WWC2: variants seen among roughly 807,000 people sequenced by gnomAD.
WWC2 encodes the protein protein WWC2.
Under a neutral mutation model 138.5 loss-of-function variants are expected in WWC2, and 101 were observed. The observed-to-expected ratio is 0.73, with a 90% confidence interval of 0.62 to 0.86. The LOEUF (loss-of-function observed/expected upper bound fraction) is 0.86, where lower values mean the gene tolerates loss of function less well. WWC2 is among the 40% of genes least tolerant of loss of function. The pLI is 0.00. For synonymous variants in WWC2, 558 were observed against 538.4 expected, an observed-to-expected ratio of 1.04 and a Z score of -0.50; for missense variants, 1,420 against 1,419.4, an observed-to-expected ratio of 1.00 and a Z score of -0.01.
intron 18 of WWC2, 30 bp from the exon 19 acceptor site, chr4:183,284,196 C>G (rs1738168409): frequency 6.2e-7 from 1 of 1,606,848 alleles, no homozygotes; most frequent in Non-Finnish European, 8.5e-7. Flanking sequence ...CATCTTTCAG[C>G]TCCTGACAAA....
intron 21 of WWC2, among the ~76,000 whole-genome samples, chr4:183,298,544 C>T (rs903194533): frequency 1.3e-5 from 2 of 152,134 alleles, no homozygotes; most frequent in East Asian, 1.9e-4. Context: ...TTCTCATTAC[C>T]CTTCCCCATT....
Position 183,319,295 on chromosome 4 carries a change from C to T in WWC2, c.*3566C>T, listed in dbSNP as rs1168551684. The stretch of plus-strand genomic sequence containing the variant: ...GAGATTAATGTTTTATTTACCACTT[C>T]TGTGCAATCGCTATTTTAAAATTGA... On this transcript the variant is annotated 3_prime_UTR_variant, in exon 23 of 23. Coordinates refer to ENST00000403733, the MANE Select transcript of WWC2 (RefSeq NM_024949.6). The T allele has an allele frequency of 2.5e-6, 1 of 400,822 alleles. No homozygotes were observed. The highest frequency in any genetic ancestry group is 4.3e-5 in the East Asian group (1 of 23,236). The allele number at this position is 400,822 out of a possible 1,614,324, so 24.8% of individuals were successfully genotyped here. A position where few individuals can be genotyped will look rare whatever the true frequency, so the allele number is the denominator to read the frequency against.
chr4:183,141,219 C>T (rs1418119497), intron 1 of WWC2, among the ~76,000 whole-genome samples: 1 of 152,140 alleles, frequency 6.6e-6, no homozygotes, highest in Non-Finnish European at 1.5e-5. Flanking sequence ...GTTAAGGTGT[C>T]AGCAGATTAG....
chr4:183,184,068 A>G (rs979481662), intron 1 of WWC2, among the ~76,000 whole-genome samples: 6 of 152,214 alleles, frequency 3.9e-5, no homozygotes, highest in Non-Finnish European at 7.3e-5. Flanking sequence ...AATGTTGTGC[A>G]ACCAACCCCT....
intron 4 of WWC2, among the ~76,000 whole-genome samples, chr4:183,239,093 T>C (rs1736523831): frequency 6.6e-6 from 1 of 152,122 alleles, no homozygotes. Flanking sequence ...AGCGGGTGGA[T>C]CGCTTGAGCC....
intron 4 of WWC2, among the ~76,000 whole-genome samples, chr4:183,228,498 A>T (rs1736139288): frequency 6.6e-6 from 1 of 152,134 alleles, no homozygotes; most frequent in South Asian, 2.1e-4. Flanking sequence ...TTTCAAGCAC[A>T]TTTAGCACAT....
chr4:183,280,880 G>A lies in WWC2; in HGVS notation c.2667G>A (p.Arg889=). Residue 889 remains arginine, a synonymous_variant, in exon 17 of 23, where the codon AGG becomes AGA. Transcript: ENST00000403733. ...EEEESGQEEP[R]GPDGDWLTML... ...AAGAATCAGGACAAGAAGAGCCAAG[G>A]GGCCCAGATGGAGACTGGTTAAACA... The A allele has an allele frequency of 3.8e-6, 6 of 1,570,714 alleles. No homozygotes were observed. The highest frequency in any genetic ancestry group is 5.2e-6 in the Non-Finnish European group (6 of 1,157,320).
At position 183,269,119 on chromosome 4, in the gene WWC2, G is replaced by T; in HGVS notation, c.2356G>T (p.Val786Leu). Residue 786 changes from valine (V) to leucine (L), a missense_variant, in exon 15 of 23, where the codon GTA becomes TTA. Val to Leu is a conservative substitution (Grantham distance 32). Coordinates refer to ENST00000403733, the MANE Select transcript of WWC2 (RefSeq NM_024949.6). ...QTALQQKTLR[V>L]DLCSVSKHRR... ...AGCCTTACAACAGAAGACACTGAGG[G>T]TAGACCTTTGCTCTGTCAGTAAACA... The T allele has an allele frequency of 6.2e-7, 1 of 1,613,776 alleles. No homozygotes were observed. Among genetic ancestry groups the T allele is most frequent in the Non-Finnish European group, 8.5e-7 (1 of 1,179,856 alleles).
At chr4:183,157,906 G>A (rs1353820564) in intron 1 of WWC2, among the ~76,000 whole-genome samples, 1 of 149,474 alleles carries the variant, frequency 6.7e-6, no homozygotes, top group African/African-American at 2.5e-5. Flanking sequence ...TAACTACTTT[G>A]TTTTCCCCCA....
intron 1 of WWC2, among the ~76,000 whole-genome samples, chr4:183,167,420 G>A (rs779527275): frequency 9.2e-5 from 14 of 152,196 alleles, no homozygotes; most frequent in Non-Finnish European, 1.9e-4. Context: ...TTAAGGGAGA[G>A]AGAGGTTATT....
At chr4:183,122,499 T>A (rs1015150270) in intron 1 of WWC2, among the ~76,000 whole-genome samples, 2 of 152,118 alleles carry the variant, frequency 1.3e-5, no homozygotes, top group Non-Finnish European at 2.9e-5. Context: ...AAAATTAGTA[T>A]CCTGAATGAA....
rs890088828 is a variant in WWC2, at chr4:183,259,591, T to C, written c.1197-48T>C. The C allele has an allele frequency of 6.0e-6, 8 of 1,335,200 alleles. No homozygotes were observed. In the African/African-American group the frequency reaches 1.2e-4, roughly 20 times the overall value. The allele number at this position is 1,335,200 out of a possible 1,614,324, so 82.7% of individuals were successfully genotyped here. A position where few individuals can be genotyped will look rare whatever the true frequency, so the allele number is the denominator to read the frequency against. ...ATGAGAATCTTTCTTTCCTTTTAGT[T>C]TTCATATTTTGTTATAATCATTTGA... On this transcript the variant is annotated intron_variant, in intron 9 of 22. Transcript: ENST00000403733.
intron 16 of WWC2, among the ~76,000 whole-genome samples, chr4:183,275,857 T>A (rs553351323): frequency 6.6e-6 from 1 of 152,262 alleles, no homozygotes; most frequent in South Asian, 2.1e-4. Flanking sequence ...TCTGTAAACG[T>A]TTCATAGAAT....
At chr4:183,100,202 C>A (rs1743129321) in intron 1 of WWC2, among the ~76,000 whole-genome samples, 1 of 152,198 alleles carries the variant, frequency 6.6e-6, no homozygotes, top group Non-Finnish European at 1.5e-5. Context: ...TAAAAACGCG[C>A]GTTTGGGGGT....
chr4:183,184,242 G>T (rs997546567), intron 1 of WWC2, among the ~76,000 whole-genome samples: 44 of 152,104 alleles, frequency 2.9e-4, no homozygotes, highest in African/African-American at 1.1e-3. Flanking sequence ...GTGACATTTT[G>T]TGCCTGGCTT....
In WWC2 at chr4:183,099,325, C is replaced by T. The variant is rs1410590238; in HGVS notation, c.-167C>T. The T allele has an allele frequency of 5.2e-6, 3 of 580,812 alleles. No individual in the cohort carries two copies. The highest frequency in any genetic ancestry group is 7.0e-6 in the Non-Finnish European group (3 of 427,048). The allele number at this position is 580,812 out of a possible 1,614,324, so 36.0% of individuals were successfully genotyped here. ...GCAGCGGGGCCGCGAACAGCGTTTC[C>T]TGAGGCACCTCCCGCGCGTGGTTCC... is the stretch of plus-strand genomic sequence containing the variant. On this transcript the variant is annotated 5_prime_UTR_variant, in exon 1 of 23. Transcript: ENST00000403733.
intron 4 of WWC2, among the ~76,000 whole-genome samples, chr4:183,217,667 T>A (rs1471282760): frequency 1.3e-5 from 2 of 152,024 alleles, no homozygotes; most frequent in African/African-American, 4.8e-5. Context: ...AACAGCTGAT[T>A]ATACATTACC....
chr4:183,240,372 T>A, intron 5 of WWC2, 110 bp downstream of exon 5: 7 of 778,824 alleles, frequency 9.0e-6, no homozygotes, highest in South Asian at 7.9e-5. Flanking sequence ...AAACGTAAAG[T>A]AAAAAAGTTC....
At chr4:183,304,338 GT>G (rs1390254421) in intron 21 of WWC2, among the ~76,000 whole-genome samples, 1 of 152,122 alleles carries the variant, frequency 6.6e-6, no homozygotes, top group African/African-American at 2.4e-5. Context: ...AAGTCTGAGA[GT>G]TAAAAACTGC....
Sources: allele counts gnomAD v4.1 joint callset (sites outside exome capture counted in the v4.1 genomes callset), GRCh38; gene constraint gnomAD v4.1.1; transcripts MANE v1.5; gene names NCBI Gene and HGNC (gene_info 2026-07-23, HGNC 2026-07-21).